ESRRG: variants seen among roughly 807,000 people sequenced by gnomAD.
The protein encoded by ESRRG is estrogen-related receptor gamma.
A neutral mutation model predicts 44.0 loss-of-function variants in ESRRG; 13 were observed. The observed-to-expected ratio is 0.30, with a 90% CI of 0.19 to 0.47. The LOEUF (loss-of-function observed/expected upper bound fraction) is 0.47. Among genes scored for constraint, ESRRG ranks in the 20% least tolerant of loss-of-function variants. The probability of loss-of-function intolerance (pLI) is 1.00; values close to 1 mark genes in which losing one functional copy is unlikely to be tolerated. For synonymous variants in ESRRG, 215 were observed against 214.6 expected, an observed-to-expected ratio of 1.00 and a Z score of -0.02; for missense variants, 395 against 580.6, an observed-to-expected ratio of 0.68 and a Z score of 3.29.
intron 2 of ESRRG, among the ~76,000 whole-genome samples, chr1:216,870,704 G>C (rs1235586680): frequency 6.6e-6 from 1 of 151,960 alleles, no homozygotes; most frequent in African/African-American, 2.4e-5. Context: ...GTTTGCCTAT[G>C]TTATCTTGGT....
upstream of ESRRG, among the ~76,000 whole-genome samples, chr1:216,725,301 G>A (rs2087270819): frequency 6.6e-6 from 1 of 152,078 alleles, no homozygotes; most frequent in African/African-American, 2.4e-5. Flanking sequence ...GGTAGTAAAA[G>A]CTTAATTACC....
chr1:216,910,247 C>T (rs541973068), intron 2 of ESRRG, among the ~76,000 whole-genome samples: 19 of 152,138 alleles, frequency 1.2e-4, no homozygotes, highest in East Asian at 1.2e-3. Flanking sequence ...CACATACACA[C>T]ACACACACAC....
chr1:216,995,230 A>G (rs2076233669), intron 1 of ESRRG, among the ~76,000 whole-genome samples: 1 of 151,990 alleles, frequency 6.6e-6, no homozygotes, highest in Non-Finnish European at 1.5e-5. Context: ...TGAATTCATC[A>G]CTTATTTGCA....
At chr1:216,726,650 A>G (rs2087583259), upstream of ESRRG, among the ~76,000 whole-genome samples, 1 of 152,208 alleles carries the variant, frequency 6.6e-6, no homozygotes, top group Non-Finnish European at 1.5e-5. Context: ...ACTGAACCAA[A>G]CAAAAGGATC....
intron 3 of ESRRG, among the ~76,000 whole-genome samples, chr1:216,606,513 C>G (rs2059954890): frequency 6.6e-6 from 1 of 151,938 alleles, no homozygotes; most frequent in South Asian, 2.1e-4. Context: ...TTTTTGTTAC[C>G]ATTTTATTGC....
intron 3 of ESRRG, among the ~76,000 whole-genome samples, chr1:216,635,787 A>G (rs1177174597): frequency 6.6e-6 from 1 of 152,102 alleles, no homozygotes; most frequent in Non-Finnish European, 1.5e-5. Context: ...CGAGACATGG[A>G]CAGCGAGCAA....
chr1:216,750,901 G>C (rs1174547412), intron 2 of ESRRG, among the ~76,000 whole-genome samples: 1 of 152,100 alleles, frequency 6.6e-6, no homozygotes, highest in African/African-American at 2.4e-5. Context: ...AGTGCTCTGT[G>C]TTTAACCATT....
intron 2 of ESRRG, among the ~76,000 whole-genome samples, chr1:216,658,289 T>C (rs894595495): frequency 3.9e-5 from 6 of 152,168 alleles, no homozygotes; most frequent in African/African-American, 1.4e-4. Context: ...CCTTGATTTT[T>C]TTCCAGTTTT....
chr1:217,065,609 T>G (rs2089498816), intron 1 of ESRRG, among the ~76,000 whole-genome samples: 1 of 152,164 alleles, frequency 6.6e-6, no homozygotes, highest in Non-Finnish European at 1.5e-5. Flanking sequence ...GAGTGACCAC[T>G]TCATATTTAC....
At chr1:216,676,121 C>T (rs1045472851) in intron 2 of ESRRG, among the ~76,000 whole-genome samples, 1 of 152,048 alleles carries the variant, frequency 6.6e-6, no homozygotes, top group Non-Finnish European at 1.5e-5. Context: ...TTTTTCTTCC[C>T]CTATTTTCTT....
chr1:217,048,591 G>T (rs2085324578), intron 1 of ESRRG, among the ~76,000 whole-genome samples: 1 of 152,086 alleles, frequency 6.6e-6, no homozygotes. Flanking sequence ...AATGCCACAG[G>T]CACAAGAAGC....
chr1:216,801,953 A>G (rs929197901), intron 2 of ESRRG, among the ~76,000 whole-genome samples: 4 of 152,180 alleles, frequency 2.6e-5, no homozygotes, highest in Non-Finnish European at 5.9e-5. Context: ...AAAGCAGAGA[A>G]CATTTTATAA....
chr1:216,964,522 G>A (rs2069816799), intron 1 of ESRRG, among the ~76,000 whole-genome samples: 1 of 152,082 alleles, frequency 6.6e-6, no homozygotes, highest in Admixed American at 6.6e-5. Flanking sequence ...GATAATGGCA[G>A]TATATGATGG....
chr1:216,978,139 G>A (rs549854747), intron 1 of ESRRG, among the ~76,000 whole-genome samples: 6 of 152,266 alleles, frequency 3.9e-5, no homozygotes, highest in Non-Finnish European at 8.8e-5. Context: ...CTGAGACAAA[G>A]AGAACTTATT....
intron 2 of ESRRG, among the ~76,000 whole-genome samples, chr1:216,741,762 A>T (rs2090767241): frequency 6.6e-6 from 1 of 152,148 alleles, no homozygotes; most frequent in South Asian, 2.1e-4. Context: ...TACTATTATG[A>T]AACAGATGAA....
chr1:216,743,625 C>G (rs985548954), intron 2 of ESRRG, among the ~76,000 whole-genome samples: 8 of 151,972 alleles, frequency 5.3e-5, no homozygotes, highest in African/African-American at 1.9e-4. Context: ...CCACTAAGTG[C>G]TCTCACCATT....
chr1:216,746,953 AAGACCT>A (rs1341878372), intron 2 of ESRRG, among the ~76,000 whole-genome samples: 9 of 152,178 alleles, frequency 5.9e-5, no homozygotes, highest in Non-Finnish European at 1.3e-4. Context: ...ATATATTCAA[AAGACCT>A]TAGATTATTA....
At chr1:216,849,478 T>A (rs1577218389) in intron 2 of ESRRG, among the ~76,000 whole-genome samples, 1 of 152,246 alleles carries the variant, frequency 6.6e-6, no homozygotes, top group South Asian at 2.1e-4. Flanking sequence ...TTTTATATAT[T>A]TATTTATTTA....
chr1:216,714,729 A>G (rs1377388547), intron 1 of ESRRG: 1 of 166,796 alleles, frequency 6.0e-6, no homozygotes, highest in East Asian at 1.9e-4. Flanking sequence ...GAATAGTTCA[A>G]TATAAAGACA....
Sources: gnomAD v4.1 joint callset for allele counts (sites outside exome capture counted in the v4.1 genomes callset) on GRCh38, gnomAD v4.1.1 for gene constraint, MANE v1.5 for transcripts, NCBI Gene and HGNC (gene_info 2026-07-23, HGNC 2026-07-21) for gene names.